The following MITF variants were observed in gnomAD, a reference collection of about 807,000 sequenced individuals.
MITF encodes melanocyte inducing transcription factor.
A neutral mutation model predicts 60.5 loss-of-function variants in MITF; 17 were observed. The observed-to-expected ratio is 0.28, with a 90% CI of 0.19 to 0.42. MITF has a LOEUF of 0.42. Among genes scored for constraint, MITF ranks in the 10% least tolerant of loss-of-function variants. MITF has a pLI of 1.00. For missense variants in MITF, 622 were observed against 683.5 expected (o/e 0.91, Z 1.00); for synonymous variants, 260 against 248.5 (o/e 1.05, Z -0.43).
chr3:69,940,948 T>G (rs1412590540), intron 4 of MITF, among the ~76,000 whole-genome samples: 1 of 152,194 alleles, frequency 6.6e-6, no homozygotes, highest in Non-Finnish European at 1.5e-5. Context: ...CGGTTTTCGT[T>G]AGGGCAAAAT....
At chr3:69,825,271 A>C (rs545259194) in intron 1 of MITF, among the ~76,000 whole-genome samples, 9 of 152,322 alleles carry the variant, frequency 5.9e-5, no homozygotes, top group Admixed American at 6.5e-5. Flanking sequence ...AGGAGCGTGA[A>C]ATCAGAATGT....
intron 2 of MITF, among the ~76,000 whole-genome samples, chr3:69,925,931 T>C (rs978563332): frequency 1.3e-5 from 2 of 152,198 alleles, no homozygotes; most frequent in East Asian, 3.9e-4. Context: ...ATTCCTTTGT[T>C]GGTTCATTAC....
At chr3:69,962,448 T>C (rs2066574097) in intron 9 of MITF, among the ~76,000 whole-genome samples, 1 of 152,196 alleles carries the variant, frequency 6.6e-6, no homozygotes, top group African/African-American at 2.4e-5. Context: ...ACTCATATTG[T>C]ATCCAAAGAA....
intron 1 of MITF, among the ~76,000 whole-genome samples, chr3:69,854,410 A>T (rs758575125): frequency 2.0e-5 from 3 of 152,204 alleles, no homozygotes; most frequent in African/African-American, 7.2e-5. Flanking sequence ...TCTTATGTAC[A>T]TCCTTACATA....
chr3:69,879,236 G>A lies in MITF; in HGVS notation c.207G>A (p.Gln69=), dbSNP rs1478849120. 1 of 1,614,106 alleles carries A rather than the reference G, an allele frequency of 6.2e-7. No individual in the cohort carries two copies. Among genetic ancestry groups the A allele is most frequent in the Non-Finnish European group, 8.5e-7 (1 of 1,180,048 alleles). Residue 69 remains glutamine, a synonymous_variant, in exon 2 of 10, where the codon CAG becomes CAA. Transcript: ENST00000352241. ...LRQQLMREQM[Q]EQERREQQQK... is the part of the protein sequence containing the mutation. ...AGCAACTCATGCGTGAGCAGATGCA[G>A]GAGCAGGAGCGCAGGGAGCAGCAGC...
chr3:69,753,755 C>T (rs940605373), intron 1 of MITF, among the ~76,000 whole-genome samples: 2 of 152,166 alleles, frequency 1.3e-5, no homozygotes, highest in African/African-American at 4.8e-5. Flanking sequence ...GCCTATGGCC[C>T]CTTTCTTTTG....
In MITF at chr3:69,942,264, A is replaced by C. The variant is rs2065985647; in HGVS notation, c.762+933A>C. 3.3e-5 allele frequency among the ~76,000 whole-genome samples: 5 copies of C among 152,292 alleles called. No homozygotes were observed. The South Asian group carries it at 1.0e-3, about 32-fold the overall frequency. On this transcript the variant is annotated intron_variant, in intron 5 of 9. Transcript: ENST00000352241. ...GGAGATCTGTTTGATAACAATGTGA[A>C]CATACATAACACTACTGAACCATAC...
At chr3:69,952,142 TTC>T (rs747463065) in intron 7 of MITF, among the ~76,000 whole-genome samples, 19 of 150,668 alleles carry the variant, frequency 1.3e-4, no homozygotes, top group Admixed American at 1.3e-4. Context: ...AGTAGTGGTT[TTC>T]TCTCTCTCTC....
At chr3:69,842,963 G>A (rs1436905775) in intron 1 of MITF, among the ~76,000 whole-genome samples, 1 of 152,094 alleles carries the variant, frequency 6.6e-6, no homozygotes, top group African/African-American at 2.4e-5. Flanking sequence ...ATCCTTCCCT[G>A]GCTGGAGTCT....
At chr3:69,773,938 G>C (rs2062433427) in intron 1 of MITF, among the ~76,000 whole-genome samples, 1 of 152,134 alleles carries the variant, frequency 6.6e-6, no homozygotes, top group African/African-American at 2.4e-5. Flanking sequence ...GCGTCTTAAG[G>C]AATTGAGTAG....
rs564639744 is a variant in MITF at position 69,907,953 on chromosome 3, A to C, written c.354+28570A>C. On this transcript the variant is annotated intron_variant, in intron 2 of 9. Transcript: ENST00000352241. ...AAATGGTTTTTTGAAAGGAAGAGGA[A>C]ATTATTTATTTATTATTTTAAGAGT... Among the ~76,000 whole-genome samples, 5 of 152,324 alleles carry C rather than the reference A, an allele frequency of 3.3e-5. No homozygotes were observed. In the South Asian group the frequency reaches 8.3e-4, roughly 25 times the overall value.
intron 3 of MITF, 74 bp from the exon 4 acceptor site, chr3:69,939,024 C>A: frequency 6.3e-7 from 1 of 1,575,468 alleles, no homozygotes; most frequent in Non-Finnish European, 8.6e-7. Flanking sequence ...GTGCCATCAG[C>A]TTTGTGTGAA....
chr3:69,811,753 G>A (rs958986048), intron 1 of MITF, among the ~76,000 whole-genome samples: 3 of 152,204 alleles, frequency 2.0e-5, no homozygotes, highest in South Asian at 2.1e-4. Context: ...GACAAGGAAG[G>A]TATGGGAGAG....
Position 69,938,051 on chromosome 3 carries a change from T to TAA in MITF, c.582+3_582+4dup. 1 of 1,612,692 alleles carries TAA rather than the reference T, an allele frequency of 6.2e-7. No homozygotes were observed. The highest frequency in any genetic ancestry group is 1.1e-5 in the South Asian group (1 of 91,046). On this transcript the variant is annotated splice_region_variant and intron_variant, in intron 3 of 9. Transcript: ENST00000352241. ...CTTAACTCCAACTGTGAAAAAGAGG[T>TAA]AATTCATGTCTCCTCTCCTCTCCTG...
chr3:69,882,748 C>T (rs796655834), intron 2 of MITF, among the ~76,000 whole-genome samples: 5 of 152,246 alleles, frequency 3.3e-5, no homozygotes, highest in African/African-American at 9.6e-5. Flanking sequence ...ACGGTACAAA[C>T]CACCAAGTTA....
chr3:69,911,032 C>T (rs2065213082), intron 2 of MITF, among the ~76,000 whole-genome samples: 1 of 152,080 alleles, frequency 6.6e-6, no homozygotes, highest in Non-Finnish European at 1.5e-5. Flanking sequence ...AGAATTCCCA[C>T]ATGTTGTGGC....
chr3:69,913,305 A>G (rs1472028643), intron 2 of MITF, among the ~76,000 whole-genome samples: 1 of 151,858 alleles, frequency 6.6e-6, no homozygotes, highest in Admixed American at 6.6e-5. Flanking sequence ...TTTTTTGATG[A>G]GCTTGTTTTC....
At chr3:69,753,285 G>C (rs1324697585) in intron 1 of MITF, among the ~76,000 whole-genome samples, 1 of 152,236 alleles carries the variant, frequency 6.6e-6, no homozygotes, top group Non-Finnish European at 1.5e-5. Flanking sequence ...CAGAGTGCAA[G>C]AGCTGGGGCT....
chr3:69,762,368 T>C (rs2106805556), intron 1 of MITF, among the ~76,000 whole-genome samples: 1 of 152,298 alleles, frequency 6.6e-6, no homozygotes, highest in African/African-American at 2.4e-5. Context: ...AAAAAGGACT[T>C]GATTCTCATC....
Sources: gnomAD v4.1 joint callset for allele counts (sites outside exome capture counted in the v4.1 genomes callset) on GRCh38, gnomAD v4.1.1 for gene constraint, MANE v1.5 for transcripts, NCBI Gene and HGNC (gene_info 2026-07-23, HGNC 2026-07-21) for gene names.